The following AFG2B variants were observed in gnomAD, a reference collection of about 807,000 sequenced individuals.
The protein encoded by AFG2B is AAA ATPase AFG2B, also known as ATPase family gene 2 protein homolog B.
chr15:45,403,650 G>A, the AFG2B span: 2 of 1,145,996 alleles, frequency 1.7e-6, no homozygotes, highest in Non-Finnish European at 2.4e-6. Flanking sequence ...TCTTTGCAAT[G>A]CAGAGAACAC....
the AFG2B span, chr15:45,405,197 C>A: frequency 2.1e-6 from 2 of 939,354 alleles, no homozygotes; most frequent in African/African-American, 1.7e-5. Context: ...TCACCCCCAA[C>A]CCTTCCCAGT....
the AFG2B span, among the ~76,000 whole-genome samples, chr15:45,406,570 T>C: frequency 6.6e-6 from 1 of 152,234 alleles, no homozygotes; most frequent in African/African-American, 2.4e-5. Context: ...AGATTAAATA[T>C]AATACTTTTC....
chr15:45,410,876 C>T, the AFG2B span, among the ~76,000 whole-genome samples: 1 of 151,656 alleles, frequency 6.6e-6, no homozygotes, highest in South Asian at 2.1e-4. Context: ...GGCAACATAG[C>T]AAGCCCTTGT....
chr15:45,402,888 G>T, the AFG2B span: 1 of 1,598,402 alleles, frequency 6.3e-7, no homozygotes. Flanking sequence ...TGGTCGCTCC[G>T]CCAGGCGCTC....
the AFG2B span, chr15:45,414,852 TA>T: frequency 7.6e-7 from 1 of 1,317,152 alleles, no homozygotes; most frequent in Non-Finnish European, 1.1e-6. Context: ...CAAACCTTTT[TA>T]AAAATATTAC....
chr15:45,414,819 AT>A, the AFG2B span: 1 of 1,547,920 alleles, frequency 6.5e-7, no homozygotes, highest in South Asian at 1.1e-5. Context: ...TTACTTTTGA[AT>A]TTTTATTTCA....
chr15:45,410,453 A>T, the AFG2B span: 2 of 1,613,844 alleles, frequency 1.2e-6, no homozygotes, highest in Admixed American at 3.3e-5. Flanking sequence ...TCGAAGCGTC[A>T]TTGGATTAAT....
At chr15:45,405,568 G>T in the AFG2B span, 2 of 1,523,078 alleles carry the variant, frequency 1.3e-6, no homozygotes, top group Non-Finnish European at 1.8e-6. Flanking sequence ...TAATTTGGGG[G>T]TTAAAAAAAA....
chr15:45,410,978 G>A, the AFG2B span, among the ~76,000 whole-genome samples: 2 of 152,172 alleles, frequency 1.3e-5, no homozygotes, highest in African/African-American at 4.8e-5. Flanking sequence ...GAGGTGGGTG[G>A]ATCACCTGAG....
the AFG2B span, chr15:45,417,322 C>A: frequency 6.2e-7 from 1 of 1,613,944 alleles, no homozygotes. Flanking sequence ...AACAAATAGA[C>A]CTGATGTGTT....
chr15:45,420,013 A>C, the AFG2B span, among the ~76,000 whole-genome samples: 2 of 135,074 alleles, frequency 1.5e-5, no homozygotes, highest in African/African-American at 6.3e-5. Flanking sequence ...AAAAAAAAAA[A>C]ACAAAAAACA....
At chr15:45,413,802 T>G in the AFG2B span, among the ~76,000 whole-genome samples, 29 of 152,210 alleles carry the variant, frequency 1.9e-4, no homozygotes, top group African/African-American at 7.0e-4. Context: ...CTGGGGTCAG[T>G]ATTGGTTCTG....
the AFG2B span, chr15:45,407,320 T>G: frequency 3.1e-6 from 3 of 964,774 alleles, no homozygotes; most frequent in Non-Finnish European, 4.0e-6. Flanking sequence ...TACACTTTGT[T>G]AAACTTTTTG....
chr15:45,411,477 C>T, the AFG2B span, among the ~76,000 whole-genome samples: 2 of 152,176 alleles, frequency 1.3e-5, no homozygotes, highest in Non-Finnish European at 2.9e-5. Context: ...ACCACCACGC[C>T]TGGCTAATTT....
At chr15:45,402,377 G>A in the AFG2B span, 1 of 1,554,450 alleles carries the variant, frequency 6.4e-7, no homozygotes, top group Non-Finnish European at 8.7e-7. Flanking sequence ...CGCTTTTTGT[G>A]GGCCGGGTGG....
the AFG2B span, among the ~76,000 whole-genome samples, chr15:45,405,878 A>G: frequency 6.6e-6 from 1 of 152,128 alleles, no homozygotes; most frequent in Non-Finnish European, 1.5e-5. Flanking sequence ...GAGTTTCCAT[A>G]TACCCTTCTC....
At chr15:45,419,120 T>C in the AFG2B span, among the ~76,000 whole-genome samples, 1 of 152,134 alleles carries the variant, frequency 6.6e-6, no homozygotes, top group Non-Finnish European at 1.5e-5. Flanking sequence ...TGTGACATTA[T>C]TGAATCTTAG....
At chr15:45,402,360 G>A in the AFG2B span, 27 of 1,543,412 alleles carry the variant, frequency 1.7e-5, no homozygotes, top group Non-Finnish European at 2.3e-5. Flanking sequence ...CTGCGAGCTC[G>A]GTGTTCCGCT....
At chr15:45,415,997 T>A in the AFG2B span, 1 of 367,748 alleles carries the variant, frequency 2.7e-6, no homozygotes, top group Non-Finnish European at 4.8e-6. Flanking sequence ...CATTTTATAA[T>A]AAATTATCTT....
Sources: allele counts gnomAD v4.1 joint callset (sites outside exome capture counted in the v4.1 genomes callset), GRCh38; gene constraint gnomAD v4.1.1; transcripts MANE v1.5; gene names NCBI Gene and HGNC (gene_info 2026-07-23, HGNC 2026-07-21).